HSPA4L: variants seen among roughly 807,000 people sequenced by gnomAD.
HSPA4L encodes heat shock protein family A (Hsp70) member 4 like.
A neutral mutation model predicts 100.3 loss-of-function variants in HSPA4L; 48 were observed. The observed-to-expected ratio is 0.48, with a 90% CI of 0.38 to 0.61. The LOEUF is 0.61. Among genes scored for constraint, HSPA4L ranks in the 20% least tolerant of loss-of-function variants. The pLI, the probability that HSPA4L is intolerant of heterozygous loss-of-function variation, is 0.00. For missense variants in HSPA4L, 886 were observed against 988.6 expected (o/e 0.90, Z 1.39); for synonymous variants, 319 against 328.2 (o/e 0.97, Z 0.30).
chr4:127,795,780 G>A lies in HSPA4L; in HGVS notation c.178G>A (p.Val60Ile), dbSNP rs367736477. The A allele has an allele frequency of 4.1e-5, 66 of 1,613,370 alleles. No homozygotes were observed. Among genetic ancestry groups the A allele is most frequent in the Middle Eastern group, 1.7e-4 (1 of 6,060 alleles). ...TTACTGCCAACAGATAGTCACGAACGTAAGAAATACAATTCATGGCTTCAA... is the reference window on the plus strand; with the variant it reads ...TTACTGCCAACAGATAGTCACGAACATAAGAAATACAATTCATGGCTTCAA... ...NAAKSQIVTN[V>I]RNTIHGFKKL... is the part of the protein sequence containing the mutation. Residue 60 changes from valine (V) to isoleucine (I), a missense_variant, in exon 3 of 19, where the codon GTA becomes ATA. Transcript: ENST00000296464.
intron 17 of HSPA4L, among the ~76,000 whole-genome samples, chr4:127,828,624 T>C (rs1318523329): frequency 2.0e-5 from 3 of 152,108 alleles, no homozygotes; most frequent in Non-Finnish European, 4.4e-5. Flanking sequence ...TTTTTAGTTT[T>C]GTGAAACAAA....
intron 12 of HSPA4L, chr4:127,813,127 A>G (rs1252957961): frequency 1.5e-6 from 2 of 1,369,986 alleles, no homozygotes; most frequent in Admixed American, 1.7e-5. Flanking sequence ...GGCCAAAGGA[A>G]TAACTCCATG....
At chr4:127,783,743 A>AAAAC in intron 1 of HSPA4L, 1 of 1,398,980 alleles carries the variant, frequency 7.1e-7, no homozygotes, top group Non-Finnish European at 9.8e-7. Flanking sequence ...TAACTATACT[A>AAAAC]AAACAAGGTC....
In HSPA4L at chr4:127,820,581, T is replaced by C. The variant is rs775006963; in HGVS notation, c.1812+16T>C. 19 of 1,586,960 alleles carry C rather than the reference T, an allele frequency of 1.2e-5. No individual in the cohort carries two copies. The highest frequency in any genetic ancestry group is 1.6e-5 in the Non-Finnish European group (19 of 1,171,466). On this transcript the variant is annotated intron_variant, in intron 14 of 18. Coordinates refer to ENST00000296464, the MANE Select transcript of HSPA4L (RefSeq NM_014278.4). ...TGAAAATGAGGTATGTAAATCTGAG[T>C]TGATGCTGAAATAGGTGGTAGTTTA...
intron 1 of HSPA4L, chr4:127,783,454 GA>G: frequency 7.2e-7 from 1 of 1,384,490 alleles, no homozygotes; most frequent in Middle Eastern, 2.2e-4. Context: ...ACTGTGGAGT[GA>G]TTCTATTATG....
intron 1 of HSPA4L, among the ~76,000 whole-genome samples, chr4:127,787,313 A>C (rs1732746886): frequency 1.3e-5 from 2 of 152,212 alleles, no homozygotes; most frequent in Non-Finnish European, 2.9e-5. Context: ...GGGATGAAGA[A>C]GAGGCTTTTA....
At chr4:127,820,295 A>C (rs1733773753) in intron 13 of HSPA4L, 133 bp from the exon 14 acceptor site, 4 of 649,222 alleles carry the variant, frequency 6.2e-6, no homozygotes, top group Non-Finnish European at 9.4e-6. Flanking sequence ...CTACAAAATA[A>C]CATCAGTCTT....
intron 11 of HSPA4L, chr4:127,809,260 A>T (rs1733458180): frequency 7.1e-7 from 1 of 1,402,796 alleles, no homozygotes; most frequent in Non-Finnish European, 1.0e-6. Context: ...CTTATGCAGA[A>T]CCAGTCTTCA....
intron 4 of HSPA4L, among the ~76,000 whole-genome samples, chr4:127,799,738 G>C (rs187940871): frequency 6.6e-6 from 1 of 152,152 alleles, no homozygotes; most frequent in African/African-American, 2.4e-5. Flanking sequence ...TATTAACTTT[G>C]TGGTTGGTGC....
chr4:127,840,116 G>GAGGC lies in HSPA4L; in HGVS notation c.*7243_*7246dup, dbSNP rs1473891738. Reference sequence around the variant, plus strand: ...TGCACCTGTAATCCCAGCTACTCGGGAGGCTGAGGTGGGAGAATAGCTTGA... The same window carrying GAGGC: ...TGCACCTGTAATCCCAGCTACTCGGGAGGCAGGCTGAGGTGGGAGAATAGCTTGA... On this transcript the variant is annotated 3_prime_UTR_variant, in exon 19 of 19. Transcript: ENST00000296464. 1 of 152,262 alleles carries GAGGC rather than the reference G, an allele frequency of 6.6e-6. No homozygotes were observed. The highest frequency in any genetic ancestry group is 1.5e-5 in the Non-Finnish European group (1 of 68,134). 9.4% of individuals were successfully genotyped at this position (152,262 alleles called of 1,614,324 possible).
intron 10 of HSPA4L, 23 bp from the exon 11 acceptor site, chr4:127,807,973 T>C (rs891845007): frequency 1.9e-6 from 3 of 1,599,896 alleles, no homozygotes; most frequent in Non-Finnish European, 2.6e-6. Context: ...TGTTTCTAAG[T>C]GAGTTCTTTC....
At chr4:127,810,708 T>G (rs1733501732) in intron 11 of HSPA4L, among the ~76,000 whole-genome samples, 1 of 152,148 alleles carries the variant, frequency 6.6e-6, no homozygotes, top group Admixed American at 6.5e-5. Flanking sequence ...CAGTGACCTA[T>G]GATCCTGCCA....
rs1033157144 is a variant in HSPA4L at position 127,820,668 on chromosome 4, C to A, written c.1812+103C>A. 114 of 1,050,742 alleles carry A rather than the reference C, an allele frequency of 1.1e-4. 2 individuals carry two copies. In the South Asian group the frequency reaches 1.6e-3, roughly 15 times the overall value. The allele number at this position is 1,050,742 out of a possible 1,614,324, so 65.1% of individuals were successfully genotyped here. A position where few individuals can be genotyped will look rare whatever the true frequency, so the allele number is the denominator to read the frequency against. On this transcript the variant is annotated intron_variant, in intron 14 of 18. Coordinates refer to ENST00000296464, the MANE Select transcript of HSPA4L (RefSeq NM_014278.4). ...AATTTAGGGCACTAGTTTATAACTC[C>A]TAAGGAATTATATTAAGTAGATTAC... is the stretch of plus-strand genomic sequence containing the variant.
intron 12 of HSPA4L, among the ~76,000 whole-genome samples, 183 bp downstream of exon 12, chr4:127,811,819 T>C (rs1396587511): frequency 6.6e-6 from 1 of 152,246 alleles, no homozygotes; most frequent in Non-Finnish European, 1.5e-5. Context: ...TTTTCAATGC[T>C]TTACATCTTT....
At position 127,811,650 on chromosome 4, in the gene HSPA4L, C is replaced by A. The variant is rs749932968; in HGVS notation, c.1578+14C>A. 7 of 1,574,908 alleles carry A rather than the reference C, an allele frequency of 4.4e-6. No individual in the cohort carries two copies. In the African/African-American group the frequency reaches 6.8e-5, roughly 15 times the overall value. ...AAAGATAATATGGTATGTAGAAATT[C>A]TTTCTCAATGTTCTTGTAATAGATA... On this transcript the variant is annotated intron_variant, in intron 12 of 18. Coordinates refer to ENST00000296464, the MANE Select transcript of HSPA4L (RefSeq NM_014278.4).
intron 16 of HSPA4L, among the ~76,000 whole-genome samples, chr4:127,824,873 A>G (rs964886863): frequency 1.3e-5 from 2 of 152,238 alleles, no homozygotes; most frequent in African/African-American, 4.8e-5. Flanking sequence ...GCAGTGGCTC[A>G]CGCCTCTAAT....
rs76550288 is a variant in HSPA4L, at chr4:127,800,145, G to C, written c.430-993G>C. 5.1e-3 allele frequency among the ~76,000 whole-genome samples: 779 copies of C among 152,226 alleles called. 7 individuals are homozygous for C. Among genetic ancestry groups the C allele is most frequent in the African/African-American group, 0.018 (751 of 41,530 alleles). ...ACATCTTTATACATTTTAAGACTGA[G>C]TTTAATTTTTAAATAGAGATGTAGT... On this transcript the variant is annotated intron_variant, in intron 4 of 18. Coordinates refer to ENST00000296464, the MANE Select transcript of HSPA4L (RefSeq NM_014278.4).
chr4:127,811,463 C>T lies in HSPA4L; in HGVS notation c.1405C>T (p.Pro469Ser). The T allele has an allele frequency of 6.2e-7, 1 of 1,613,700 alleles. No homozygotes were observed. The highest frequency in any genetic ancestry group is 8.5e-7 in the Non-Finnish European group (1 of 1,179,814). ...IGSFTIQNVF[P>S]QSDGDSSKVK... The stretch of plus-strand genomic sequence containing the variant: ...GAGCTTCACTATTCAGAATGTTTTT[C>T]CACAGTCTGATGGTGATAGTTCCAA... Residue 469 changes from proline to serine, a missense_variant, in exon 12 of 19, where the codon CCA (proline) becomes TCA (serine). Coordinates refer to ENST00000296464, the MANE Select transcript of HSPA4L (RefSeq NM_014278.4).
intron 4 of HSPA4L, among the ~76,000 whole-genome samples, chr4:127,799,848 G>T (rs1733126309): frequency 6.6e-6 from 1 of 152,124 alleles, no homozygotes; most frequent in African/African-American, 2.4e-5. Context: ...AGTGCTCAAT[G>T]AATATTAAAT....
Sources: gnomAD v4.1 joint callset for allele counts (sites outside exome capture counted in the v4.1 genomes callset) on GRCh38, gnomAD v4.1.1 for gene constraint, MANE v1.5 for transcripts, NCBI Gene and HGNC (gene_info 2026-07-23, HGNC 2026-07-21) for gene names.